TTLL9: variants seen among roughly 807,000 people sequenced by gnomAD.
TTLL9 encodes the protein probable tubulin polyglutamylase TTLL9.
A neutral mutation model predicts 65.6 loss-of-function variants in TTLL9; 47 were observed. The ratio of observed to expected loss-of-function variants is 0.72; its 90% CI spans 0.57 to 0.91. The LOEUF is 0.91. TTLL9 is among the 40% of genes least tolerant of loss of function. The probability of loss-of-function intolerance (pLI) is 0.00; values close to 1 mark genes in which losing one functional copy is unlikely to be tolerated. For synonymous variants in TTLL9, 179 were observed against 204.8 expected (o/e 0.87, Z 1.07); for missense variants, 537 against 568.8 (o/e 0.94, Z 0.57).
At chr20:31,925,093 G>A in intron 9 of TTLL9, 44 bp downstream of exon 9, 1 of 1,610,492 alleles carries the variant, frequency 6.2e-7, no homozygotes, top group South Asian at 1.1e-5. Context: ...GGGGTTAAAG[G>A]GTGGCTGGGC....
chr20:31,942,095 A>G lies in TTLL9; in HGVS notation c.1244-850A>G, dbSNP rs2064220010. ...GATGTGCATCGTAGGCTCTCAGCTC[A>G]GTGAATGGCTGAGTGAGTGTCTGGG... On this transcript the variant is annotated intron_variant, in intron 14 of 14. Transcript: ENST00000535842. 2.6e-5 allele frequency among the ~76,000 whole-genome samples: 4 copies of G among 152,312 alleles called. No individual in the cohort carries two copies. In the South Asian group the frequency reaches 6.2e-4, roughly 24 times the overall value.
At chr20:31,931,102 C>T (rs1315451432) in intron 10 of TTLL9, among the ~76,000 whole-genome samples, 1 of 127,382 alleles carries the variant, frequency 7.9e-6, no homozygotes, top group Non-Finnish European at 1.6e-5. Context: ...TTTTTCAAGA[C>T]AGAGTCTTGC....
Position 31,920,041 on chromosome 20 carries a change from G to A in TTLL9, c.573+109G>A, listed in dbSNP as rs2063793208. On this transcript the variant is annotated intron_variant, in intron 7 of 14. Transcript: ENST00000535842. ...CTCAGAGGGCTGGCAGAGAAACTCT[G>A]CCCACAGGTCTGCCCATTGGAGCAG... The A allele has an allele frequency of 7.7e-6, 8 of 1,033,070 alleles. No homozygotes were observed. The South Asian group carries it at 1.7e-4, about 22-fold the overall frequency. The allele number at this position is 1,033,070 out of a possible 1,614,324, so 64.0% of individuals were successfully genotyped here.
intron 14 of TTLL9, among the ~76,000 whole-genome samples, chr20:31,942,325 C>T (rs903691026): frequency 6.6e-6 from 1 of 152,172 alleles, no homozygotes; most frequent in Non-Finnish European, 1.5e-5. Context: ...CTGGGAGAGA[C>T]GTCTCAGCAG....
At chr20:31,937,285 C>T in intron 12 of TTLL9, 111 bp from the exon 13 acceptor site, 2 of 689,518 alleles carry the variant, frequency 2.9e-6, no homozygotes, top group Non-Finnish European at 5.1e-6. Context: ...GAGAGAGTAG[C>T]CTGGATTGAA....
chr20:31,905,321 C>T lies in TTLL9; in HGVS notation c.207-3270C>T, dbSNP rs189781572. Among the ~76,000 whole-genome samples, 6 of 152,074 alleles carry T rather than the reference C, an allele frequency of 3.9e-5. No homozygotes were observed. The East Asian group carries it at 5.8e-4, about 15-fold the overall frequency. On this transcript the variant is annotated intron_variant, in intron 4 of 14. Transcript: ENST00000535842. Reference sequence around the variant, plus strand: ...AACTCCTGACCTCAGGTGATCCACACGCCTCGGCCTCCCAAAGTGCTAGGA... The same window carrying T: ...AACTCCTGACCTCAGGTGATCCACATGCCTCGGCCTCCCAAAGTGCTAGGA...
At chr20:31,881,670 A>C (rs1282386265) in intron 2 of TTLL9, among the ~76,000 whole-genome samples, 1 of 145,748 alleles carries the variant, frequency 6.9e-6, no homozygotes, top group East Asian at 2.0e-4. Flanking sequence ...CAGTGGCATG[A>C]ACACGGCTCA....
chr20:31,870,896 G>C lies in TTLL9; in HGVS notation c.-59G>C. Reference sequence around the variant, plus strand: ...TTCTAGCAGAAACGTGACGGGGCTGGACTTTGATCGCCGAGGGCTCTCTGC... The same window carrying C: ...TTCTAGCAGAAACGTGACGGGGCTGCACTTTGATCGCCGAGGGCTCTCTGC... On this transcript the variant is annotated 5_prime_UTR_variant, in exon 1 of 15. Transcript: ENST00000535842. This position sits in a 1 kb window ranked among gnomAD's most constrained non-coding sequence, Gnocchi z 6.6. The C allele has an allele frequency of 1.7e-6, 1 of 579,728 alleles. No homozygotes were observed. Among genetic ancestry groups the C allele is most frequent in the East Asian group, 2.9e-5 (1 of 34,466 alleles). 35.9% of individuals were successfully genotyped at this position (579,728 alleles called of 1,614,324 possible). A position where few individuals can be genotyped will look rare whatever the true frequency, so the allele number is the denominator to read the frequency against.
chr20:31,873,821 G>GAAAGAAAGAAAAAGA (rs2062991828), intron 2 of TTLL9, among the ~76,000 whole-genome samples: 13 of 95,980 alleles, frequency 1.4e-4, no homozygotes, highest in African/African-American at 4.8e-4. Flanking sequence ...AGGAAGGAAG[G>GAAAGAAAGAAAAAGA]AAGAAAGAAA....
chr20:31,943,188 G>T lies in TTLL9; in HGVS notation c.*167G>T. On this transcript the variant is annotated 3_prime_UTR_variant, in exon 15 of 15. Transcript: ENST00000535842. ...CTTACTACCTGAATTGGGCCCCTTG[G>T]ATACCTCCAGCCCATCCCCAGGCAT... 1 of 662,646 alleles carries T rather than the reference G, an allele frequency of 1.5e-6. No homozygotes were observed. The highest frequency in any genetic ancestry group is 1.7e-5 in the South Asian group (1 of 57,724). The allele number at this position is 662,646 out of a possible 1,614,324, so 41.0% of individuals were successfully genotyped here.
At chr20:31,922,870 A>G in intron 7 of TTLL9, 93 bp from the exon 8 acceptor site, 1 of 982,422 alleles carries the variant, frequency 1.0e-6, no homozygotes. Context: ...TTAAAGATTC[A>G]GTGAGCTACC....
intron 4 of TTLL9, among the ~76,000 whole-genome samples, chr20:31,901,867 A>G (rs2103656): frequency 0.28 from 41,838 of 151,950 alleles, 6,261 homozygotes; most frequent in African/African-American, 0.36. Flanking sequence ...TTTATTATAG[A>G]GTTGTTTCCT....
chr20:31,903,793 T>C (rs1306154415), intron 4 of TTLL9, among the ~76,000 whole-genome samples: 1 of 152,234 alleles, frequency 6.6e-6, no homozygotes, highest in East Asian at 1.9e-4. Context: ...TGTTAGCAGC[T>C]TATGTAATCA....
Position 31,890,374 on chromosome 20 carries a change from C to A in TTLL9, c.113+3135C>A, listed in dbSNP as rs116740902. On this transcript the variant is annotated intron_variant, in intron 3 of 14. Transcript: ENST00000535842. ...ACTGTTATTACTATTCTGCACCCTG[C>A]TTTTGTCACACAAAATGATATGTTT... Among the ~76,000 whole-genome samples, 965 of 151,860 alleles carry A rather than the reference C, an allele frequency of 6.4e-3. 12 individuals are homozygous for A. The highest frequency in any genetic ancestry group is 0.022 in the African/African-American group (916 of 41,352).
At position 31,937,625 on chromosome 20, in the gene TTLL9, C is replaced by G. The variant is rs149242040; in HGVS notation, c.1118+116C>G. On this transcript the variant is annotated intron_variant, in intron 13 of 14. Transcript: ENST00000535842. ...GAGTGGCCCTCAGCGATGGCTCTGGCCTGCCCCACCACTTTATAGATGGAG... is the reference window on the plus strand; with the variant it reads ...GAGTGGCCCTCAGCGATGGCTCTGGGCTGCCCCACCACTTTATAGATGGAG... 1.3e-3 allele frequency: 951 copies of G among 730,214 alleles called. 1 individual carries two copies. Among genetic ancestry groups the G allele is most frequent in the Non-Finnish European group, 1.8e-3 (825 of 451,918 alleles). The allele number at this position is 730,214 out of a possible 1,614,324, so 45.2% of individuals were successfully genotyped here.
At chr20:31,913,407 T>G (rs2063686145) in intron 6 of TTLL9, among the ~76,000 whole-genome samples, 1 of 152,110 alleles carries the variant, frequency 6.6e-6, no homozygotes, top group African/African-American at 2.4e-5. Context: ...AAACAGAACA[T>G]TGCCCTAAAT....
rs188090845 is a variant in TTLL9 at position 31,895,499 on chromosome 20, C to T, written c.114-2974C>T. On this transcript the variant is annotated intron_variant, in intron 3 of 14. Transcript: ENST00000535842. Reference sequence around the variant, plus strand: ...ATCTGGCAAATCATGCATGAGACTCCTCCCTTCATGACCTTTCCTGGCTCT... The same window carrying T: ...ATCTGGCAAATCATGCATGAGACTCTTCCCTTCATGACCTTTCCTGGCTCT... Among the ~76,000 whole-genome samples the T allele has an allele frequency of 2.6e-4, 39 of 152,300 alleles. No homozygotes were observed. The East Asian group carries it at 7.3e-3, about 29-fold the overall frequency.
chr20:31,920,022 G>A lies in TTLL9; in HGVS notation c.573+90G>A, dbSNP rs2063793084. The A allele has an allele frequency of 5.7e-6, 7 of 1,225,206 alleles. No homozygotes were observed. In the Admixed American group the frequency reaches 1.5e-4, roughly 26 times the overall value. 75.9% of individuals were successfully genotyped at this position (1,225,206 alleles called of 1,614,324 possible). A position where few individuals can be genotyped will look rare whatever the true frequency, so the allele number is the denominator to read the frequency against. On this transcript the variant is annotated intron_variant, in intron 7 of 14. Coordinates refer to ENST00000535842, the MANE Select transcript of TTLL9 (RefSeq NM_001008409.5). Reference sequence around the variant, plus strand: ...CTCCTTCCTGCAATCAAAGCTCAGAGGGCTGGCAGAGAAACTCTGCCCACA... The same window carrying A: ...CTCCTTCCTGCAATCAAAGCTCAGAAGGCTGGCAGAGAAACTCTGCCCACA...
intron 12 of TTLL9, among the ~76,000 whole-genome samples, chr20:31,936,645 A>G (rs1163749806): frequency 6.6e-6 from 1 of 151,682 alleles, no homozygotes; most frequent in Non-Finnish European, 1.5e-5. Flanking sequence ...ACCGCTTCCC[A>G]CCCCCTGACA....
Sources: allele counts gnomAD v4.1 joint callset (sites outside exome capture counted in the v4.1 genomes callset), GRCh38; gene constraint gnomAD v4.1.1; non-coding constraint Gnocchi (gnomAD v3.1); transcripts MANE v1.5; gene names NCBI Gene and HGNC (gene_info 2026-07-23, HGNC 2026-07-21).